Variants in DDX47 observed in about 807,000 individuals in gnomAD.
DDX47 encodes probable ATP-dependent RNA helicase DDX47.
In DDX47, 60 loss-of-function variants were observed where a neutral mutation model predicts 58.8. That is an observed-to-expected ratio of 1.02 (90% confidence interval 0.83 to 1.26). The LOEUF (loss-of-function observed/expected upper bound fraction) is 1.26, where lower values mean the gene tolerates loss of function less well. DDX47 is among the 50% of genes most tolerant of loss of function. DDX47 has a pLI of 0.00. For synonymous variants in DDX47, 197 were observed against 204.6 expected (o/e 0.96, Z 0.32); for missense variants, 530 against 573.2 (o/e 0.92, Z 0.77).
rs535729055 is a variant in DDX47 at position 12,824,862 on chromosome 12, T to C, written c.1035+185T>C. 2.3e-5 allele frequency: 12 copies of C among 520,706 alleles called. No homozygotes were observed. In the South Asian group the frequency reaches 3.6e-4, roughly 16 times the overall value. The allele number at this position is 520,706 out of a possible 1,614,324, so 32.3% of individuals were successfully genotyped here. A position where few individuals can be genotyped will look rare whatever the true frequency, so the allele number is the denominator to read the frequency against. On this transcript the variant is annotated intron_variant, in intron 9 of 11. Transcript: ENST00000358007. The stretch of plus-strand genomic sequence containing the variant: ...GGCCTGTGTATGTAACATTAGTACA[T>C]ATGAAAGAGGTAGCCAAGGAGAGTT...
chr12:12,819,088 C>A (rs974569749), intron 2 of DDX47, among the ~76,000 whole-genome samples: 1 of 152,182 alleles, frequency 6.6e-6, no homozygotes, highest in Non-Finnish European at 1.5e-5. Context: ...TCTACTTGAT[C>A]AGTGACATTG....
In DDX47 at chr12:12,813,389, G is replaced by T. The variant is rs577622688; in HGVS notation, c.22G>T (p.Asp8Tyr). 6.3e-4 allele frequency: 1,010 copies of T among 1,613,500 alleles called. 9 individuals are homozygous for T. The South Asian group carries it at 9.2e-3, about 15-fold the overall frequency. Residue 8 changes from aspartate (D) to tyrosine (Y), a missense_variant, in exon 1 of 12, where the codon GAT becomes TAT. By Grantham distance (160) the Asp-to-Tyr change is radical. Coordinates refer to ENST00000358007, the MANE Select transcript of DDX47 (RefSeq NM_016355.4). ...CAAGATGGCGGCACCCGAGGAACAC[G>T]ATTCTCCGACCGAAGCGTCCCAGCC... MAAPEEH[D>Y]SPTEASQPIV...
rs145266858 is a variant in DDX47, at chr12:12,824,583, G to A, written c.941G>A (p.Arg314His). The change falls in exon 9 of 12, where the codon CGT becomes CAT. Residue 314 changes from arginine (R) to histidine (H), a missense_variant. Arg to His is a conservative substitution (Grantham distance 29). Coordinates refer to ENST00000358007, the MANE Select transcript of DDX47 (RefSeq NM_016355.4). Reference sequence around the variant, plus strand: ...CTTAATAAGTTTAAGGCCAAGGCCCGTTCCATTCTTCTAGCAACTGACGTT... The same window carrying A: ...CTTAATAAGTTTAAGGCCAAGGCCCATTCCATTCTTCTAGCAACTGACGTT... ...GSLNKFKAKARSILLATDVAS... is the reference protein window; with the variant it reads ...GSLNKFKAKAHSILLATDVAS... 1.2e-5 allele frequency: 20 copies of A among 1,613,914 alleles called. No homozygotes were observed. The highest frequency in any genetic ancestry group is 9.3e-5 in the African/African-American group (7 of 74,916).
At chr12:12,816,280 T>C (rs1174312879) in intron 2 of DDX47, among the ~76,000 whole-genome samples, 1 of 152,228 alleles carries the variant, frequency 6.6e-6, no homozygotes, top group African/African-American at 2.4e-5. Flanking sequence ...TGAAGATCTA[T>C]TGAATAGCAT....
intron 5 of DDX47, 85 bp downstream of exon 5, chr12:12,822,168 A>T: frequency 1.2e-6 from 1 of 810,466 alleles, no homozygotes; most frequent in East Asian, 2.4e-5. Context: ...TGTTTCATGT[A>T]GAACATTGCA....
At chr12:12,816,471 T>C (rs958928406) in intron 2 of DDX47, among the ~76,000 whole-genome samples, 1 of 152,188 alleles carries the variant, frequency 6.6e-6, no homozygotes, top group African/African-American at 2.4e-5. Flanking sequence ...AGTATAATTT[T>C]TTGTCAATTA....
intron 11 of DDX47, among the ~76,000 whole-genome samples, chr12:12,829,046 C>T (rs942576728): frequency 1.3e-5 from 2 of 152,102 alleles, no homozygotes; most frequent in Admixed American, 6.5e-5. Flanking sequence ...CTTGTTGGGC[C>T]AAGGGACATA....
chr12:12,818,458 TTGCAGTGAGCCGAGATCTCGCCAC>T (rs1390961142), intron 2 of DDX47, among the ~76,000 whole-genome samples: 2 of 151,758 alleles, frequency 1.3e-5, no homozygotes, highest in Non-Finnish European at 2.9e-5. Flanking sequence ...GAGGCGGAGC[TTGCAGTGAGCCGAGATCTCGCCAC>T]TGCACCCCAG....
At chr12:12,819,061 G>A (rs963531150) in intron 2 of DDX47, among the ~76,000 whole-genome samples, 10 of 152,212 alleles carry the variant, frequency 6.6e-5, no homozygotes, top group African/African-American at 2.2e-4. Context: ...TTTAAGAGGT[G>A]GATCTTACAG....
chr12:12,823,324 A>AC lies in DDX47; in HGVS notation c.750+5_750+6insC. On this transcript the variant is annotated splice_donor_region_variant and intron_variant, in intron 7 of 11. Transcript: ENST00000358007. ...TTTATTCCCTCTAAATTCAAGGTAA[A>AC]ATGTTTACTTTGATCATTCCTGCCT... 6.7e-7 allele frequency: 1 copy of AC among 1,493,700 alleles called. No homozygotes were observed. The highest frequency in any genetic ancestry group is 9.3e-7 in the Non-Finnish European group (1 of 1,070,602). The allele number at this position is 1,493,700 out of a possible 1,614,324, so 92.5% of individuals were successfully genotyped here.
At chr12:12,824,809 G>A in intron 9 of DDX47, 132 bp downstream of exon 9, 4 of 938,130 alleles carry the variant, frequency 4.3e-6, no homozygotes, top group Non-Finnish European at 6.4e-6. Flanking sequence ...GAAAGCCCTT[G>A]GTTAGTTCAT....
chr12:12,829,557 A>G lies in DDX47; in HGVS notation c.*3A>G, dbSNP rs1350159372. On this transcript the variant is annotated 3_prime_UTR_variant, in exon 12 of 12. Coordinates refer to ENST00000358007, the MANE Select transcript of DDX47 (RefSeq NM_016355.4). Reference sequence around the variant, plus strand: ...TGAAGAAGCGGAAAGGCCGTTAATCACTTTTATGAAGGCTCGAGTTCTGCT... The same window carrying G: ...TGAAGAAGCGGAAAGGCCGTTAATCGCTTTTATGAAGGCTCGAGTTCTGCT... 1 of 1,612,896 alleles carries G rather than the reference A, an allele frequency of 6.2e-7. No individual in the cohort carries two copies. The highest frequency in any genetic ancestry group is 1.3e-5 in the African/African-American group (1 of 74,838).
At chr12:12,817,056 A>G (rs1032877757) in intron 2 of DDX47, among the ~76,000 whole-genome samples, 6 of 152,224 alleles carry the variant, frequency 3.9e-5, no homozygotes, top group African/African-American at 1.4e-4. Flanking sequence ...TCTCATTCTA[A>G]TGAATAGTTT....
intron 2 of DDX47, among the ~76,000 whole-genome samples, chr12:12,816,542 C>G (rs1862900409): frequency 1.3e-5 from 2 of 152,070 alleles, no homozygotes; most frequent in African/African-American, 2.4e-5. Context: ...GGGATTGGAA[C>G]TTGATTGAGA....
chr12:12,814,032 A>AATACAATGG, intron 1 of DDX47, 99 bp from the exon 2 acceptor site: 1 of 798,852 alleles, frequency 1.3e-6, no homozygotes. Flanking sequence ...TTTTAAATCA[A>AATACAATGG]ATACAATGGT....
intron 8 of DDX47, 77 bp from the exon 9 acceptor site, chr12:12,824,463 C>A: frequency 1.3e-6 from 2 of 1,501,900 alleles, no homozygotes; most frequent in South Asian, 2.5e-5. Flanking sequence ...TCTGTTTGTT[C>A]TCGTGTTTGT....
At chr12:12,820,336 T>C (rs771873038) in intron 2 of DDX47, 18 of 152,232 alleles carry the variant, frequency 1.2e-4, no homozygotes, top group Admixed American at 2.6e-4. Context: ...AGAGTTTATC[T>C]TCCTAAACAG....
In DDX47 at chr12:12,824,697, T is replaced by TAA. The variant is rs780850943; in HGVS notation, c.1035+21_1035+22insAA. 1.2e-6 allele frequency: 2 copies of TAA among 1,611,024 alleles called. No homozygotes were observed. The highest frequency in any genetic ancestry group is 2.2e-5 in the South Asian group (2 of 90,890). On this transcript the variant is annotated intron_variant, in intron 9 of 11. Coordinates refer to ENST00000358007, the MANE Select transcript of DDX47 (RefSeq NM_016355.4). ...TCCAAGGTGAGTCCTATTGCTAACT[T>TAA]ACCTTTCTAGTCCTAAAGTGTATTT...
At chr12:12,814,070 A>T in intron 1 of DDX47, 61 bp from the exon 2 acceptor site, 1 of 1,012,946 alleles carries the variant, frequency 9.9e-7, no homozygotes, top group Non-Finnish European at 1.6e-6. Flanking sequence ...ACAGTCAGTT[A>T]AGTAGGAGGG....
Sources: gnomAD v4.1 joint callset for allele counts (sites outside exome capture counted in the v4.1 genomes callset) on GRCh38, gnomAD v4.1.1 for gene constraint, MANE v1.5 for transcripts, NCBI Gene and HGNC (gene_info 2026-07-23, HGNC 2026-07-21) for gene names.